The following COL1A2 variants were observed in gnomAD, a reference collection of about 807,000 sequenced individuals.
COL1A2 encodes collagen type I alpha 2 chain.
Under a neutral mutation model 174.3 loss-of-function variants are expected in COL1A2, and 49 were observed. The observed-to-expected ratio is 0.28, with a 90% CI of 0.22 to 0.36. The LOEUF is 0.36. Ranked by LOEUF, COL1A2 falls within the 10% of genes least tolerant of loss-of-function variation. The pLI is 1.00. For synonymous variants in COL1A2, 655 were observed against 606.6 expected (o/e 1.08, Z -1.17); for missense variants, 1,438 against 1,822.7 (o/e 0.79, Z 3.84).
chr7:94,398,536 TA>T (rs1791626078), intron 3 of COL1A2, 140 bp downstream of exon 3: 1 of 338,476 alleles, frequency 3.0e-6, no homozygotes, highest in African/African-American at 2.2e-5. Context: ...AAGCATAAAA[TA>T]AAGTAGCTTT....
At chr7:94,419,328 T>C (rs2115927149) in intron 33 of COL1A2, 170 bp from the exon 34 acceptor site, 1 of 734,746 alleles carries the variant, frequency 1.4e-6, no homozygotes, top group East Asian at 2.7e-5. Flanking sequence ...GAGTGGCTTC[T>C]AATAGTCTTG....
At chr7:94,427,908 G>C in intron 49 of COL1A2, 23 bp downstream of exon 49, 1 of 1,613,022 alleles carries the variant, frequency 6.2e-7, no homozygotes, top group South Asian at 1.1e-5. Context: ...GTCCAGACCA[G>C]ACTGACCCTT....
intron 19 of COL1A2, 121 bp downstream of exon 19, chr7:94,409,942 T>C: frequency 9.9e-7 from 1 of 1,005,148 alleles, no homozygotes; most frequent in Non-Finnish European, 1.5e-6. Flanking sequence ...TTAGCATTTT[T>C]AGTTTATATT....
rs376331824 is a variant in COL1A2 at position 94,419,588 on chromosome 7, T to C, written c.2079+37T>C. 1.9e-6 allele frequency: 3 copies of C among 1,612,924 alleles called. No homozygotes were observed. In the African/African-American group the frequency reaches 4.0e-5, roughly 22 times the overall value. On this transcript the variant is annotated intron_variant, in intron 34 of 51. Transcript: ENST00000297268. ...TTTTCACTAAGCCAACAGCAATATC[T>C]AAAATTTCCCGCCTTCCCTAGTCCC...
At chr7:94,420,691 A>G in intron 37 of COL1A2, 43 bp downstream of exon 37, 3 of 1,501,682 alleles carry the variant, frequency 2.0e-6, no homozygotes, top group Non-Finnish European at 2.7e-6. Flanking sequence ...GCTACCCATT[A>G]GATCTTCCAA....
intron 50 of COL1A2, 80 bp from the exon 51 acceptor site, chr7:94,429,108 C>CTTTTTTTTTTTTTTTTTTTTTTTTTT (rs11380334): frequency 4.9e-6 from 4 of 816,764 alleles, no homozygotes; most frequent in African/African-American, 2.0e-5. Flanking sequence ...CTTTTTTTTT[C>CTTTTTTTTTTTTTTTTTTTTTTTTTT]TTTTTTTTTT....
Position 94,428,357 on chromosome 7 carries a change from C to T in COL1A2, c.3591C>T (p.Phe1197=). The T allele has an allele frequency of 6.2e-7, 1 of 1,614,100 alleles. No homozygotes were observed. Among genetic ancestry groups the T allele is most frequent in the Non-Finnish European group, 8.5e-7 (1 of 1,179,976 alleles). Residue 1197 remains phenylalanine (F), a synonymous_variant, in exon 50 of 52, where the codon TTC becomes TTT. Coordinates refer to ENST00000297268, the MANE Select transcript of COL1A2 (RefSeq NM_000089.4). ...ATGCTATCAAAGTATACTGTGATTT[C>T]TCTACTGGCGAAACCTGTATCCGGG... is the stretch of plus-strand genomic sequence containing the variant. The part of the protein sequence containing the change: ...TMDAIKVYCD[F]STGETCIRAQ...
chr7:94,426,950 A>G, intron 46 of COL1A2, 58 bp from the exon 47 acceptor site: 1 of 1,546,316 alleles, frequency 6.5e-7, no homozygotes, highest in South Asian at 1.2e-5. Flanking sequence ...AAAAAAAAAA[A>G]AAATATGTCT....
Position 94,409,588 on chromosome 7 carries a change from A to G in COL1A2, c.916A>G (p.Thr306Ala). 6.2e-7 allele frequency: 1 copy of G among 1,614,146 alleles called. No individual in the cohort carries two copies. Among genetic ancestry groups the G allele is most frequent in the Non-Finnish European group, 8.5e-7 (1 of 1,179,996 alleles). The part of the protein sequence containing the change: ...PPGNPGANGL[T>A]GAKGAAGLPG... ...GGGTAATCCTGGAGCAAACGGCCTT[A>G]CTGGTGCCAAGGGTGCTGCTGTGAG... Residue 306 changes from threonine to alanine, a missense_variant, in exon 18 of 52, where the codon ACT becomes GCT. This residue lies in a region of COL1A2 where 867 missense variants were observed against 1,213.7 expected (regional missense o/e 0.71). Transcript: ENST00000297268.
chr7:94,424,591 C>A, intron 41 of COL1A2, 148 bp downstream of exon 41: 1 of 690,662 alleles, frequency 1.4e-6, no homozygotes, highest in Non-Finnish European at 2.5e-6. Context: ...TGTCACTTAT[C>A]TAAGAAGCTT....
chr7:94,406,105 G>T, intron 11 of COL1A2, 145 bp from the exon 12 acceptor site: 1 of 809,416 alleles, frequency 1.2e-6, no homozygotes, highest in Non-Finnish European at 2.1e-6. Context: ...GACTGAGTTT[G>T]CTGGGACCTG....
intron 40 of COL1A2, 114 bp from the exon 41 acceptor site, chr7:94,424,219 TAGG>T: frequency 3.7e-6 from 3 of 804,826 alleles, no homozygotes; most frequent in Non-Finnish European, 6.5e-6. Flanking sequence ...GTCCTAGTAA[TAGG>T]AGGTCATTAG....
rs142518265 is a variant in COL1A2 at position 94,427,289 on chromosome 7, C to T, written c.3261C>T (p.Gly1087=). 15 of 1,610,638 alleles carry T rather than the reference C, an allele frequency of 9.3e-6. No homozygotes were observed. Among genetic ancestry groups the T allele is most frequent in the Admixed American group, 1.7e-5 (1 of 59,726 alleles). The change falls in exon 48 of 52, where the codon GGC becomes GGT. Residue 1087 remains glycine, a synonymous_variant. Coordinates refer to ENST00000297268, the MANE Select transcript of COL1A2 (RefSeq NM_000089.4). ...TTCGAGGCCCTCAGGGTCACCAAGG[C>T]CCTGCTGTAAGTATGATTTGGGGAA... The part of the protein sequence containing the change: ...AGIRGPQGHQ[G]PAGPPGPPGP...
rs909552062 is a variant in COL1A2, at chr7:94,408,762, G to C, written c.739-8G>C. The C allele has an allele frequency of 2.5e-6, 4 of 1,613,826 alleles. No homozygotes were observed. In the African/African-American group the frequency reaches 4.0e-5, roughly 16 times the overall value. ...GAAATTTCTTACCACCTTCTGCTTT[G>C]ATTTCAGGGTCCCATTGGGTCTGCT... is the stretch of plus-strand genomic sequence containing the variant. On this transcript the variant is annotated splice_region_variant and splice_polypyrimidine_tract_variant and intron_variant, in intron 15 of 51. Coordinates refer to ENST00000297268, the MANE Select transcript of COL1A2 (RefSeq NM_000089.4).
intron 50 of COL1A2, 74 bp from the exon 51 acceptor site, chr7:94,429,114 T>TG: frequency 8.3e-7 from 1 of 1,209,526 alleles, no homozygotes; most frequent in Non-Finnish European, 1.2e-6. Context: ...TTTTCTTTTT[T>TG]TTTTTTTTCA....
rs761806166 is a variant in COL1A2, at chr7:94,430,938, A to G, written c.*545A>G. 1.2e-4 allele frequency: 18 copies of G among 155,534 alleles called. No homozygotes were observed. Among genetic ancestry groups the G allele is most frequent in the Non-Finnish European group, 2.1e-4 (15 of 69,912 alleles). The allele number at this position is 155,534 out of a possible 1,614,324, so 9.6% of individuals were successfully genotyped here. On this transcript the variant is annotated 3_prime_UTR_variant, in exon 52 of 52. Coordinates refer to ENST00000297268, the MANE Select transcript of COL1A2 (RefSeq NM_000089.4). ...TGGTGCTAGAAGAATTTGAGAAGAAATACTCCTGTATTGAGTTGTATCGTG... is the reference window on the plus strand; with the variant it reads ...TGGTGCTAGAAGAATTTGAGAAGAAGTACTCCTGTATTGAGTTGTATCGTG...
chr7:94,408,111 CAAAG>C (rs1206463759), intron 13 of COL1A2, 68 bp from the exon 14 acceptor site: 122 of 1,524,066 alleles, frequency 8.0e-5, no homozygotes, highest in Non-Finnish European at 1.1e-4. Flanking sequence ...GGAAACTGAA[CAAAG>C]CAAATGATGC....
intron 41 of COL1A2, 26 bp downstream of exon 41, chr7:94,424,469 C>T (rs1383077200): frequency 1.9e-5 from 30 of 1,590,414 alleles, no homozygotes; most frequent in Non-Finnish European, 2.5e-5. Context: ...TATTCTGACT[C>T]CATTAACATA....
chr7:94,395,364 G>GTAA (rs1285116465), intron 1 of COL1A2: 5 of 525,868 alleles, frequency 9.5e-6, no homozygotes, highest in Non-Finnish European at 1.7e-5. Context: ...CCTCAGCTTA[G>GTAA]TAACCCCCAA....
Sources: allele counts gnomAD v4.1 joint callset, GRCh38; gene constraint gnomAD v4.1.1; regional missense constraint gnomAD v4.1.1; transcripts MANE v1.5; gene names NCBI Gene and HGNC (gene_info 2026-07-23, HGNC 2026-07-21).